Variants in TMEM266 observed in about 807,000 individuals in gnomAD.
The protein encoded by TMEM266 is transmembrane protein 266.
TMEM266 carries 33 observed loss-of-function variants against 50.5 expected under a neutral mutation model. That is an observed-to-expected ratio of 0.65 (90% confidence interval 0.50 to 0.87). The LOEUF is 0.87. Among genes scored for constraint, TMEM266 ranks in the 40% least tolerant of loss-of-function variants. The probability of loss-of-function intolerance (pLI) is 0.00; values close to 1 mark genes in which losing one functional copy is unlikely to be tolerated. For synonymous variants in TMEM266, 310 were observed against 292.3 expected, an observed-to-expected ratio of 1.06 and a Z score of -0.62; for missense variants, 655 against 695.1, an observed-to-expected ratio of 0.94 and a Z score of 0.65.
chr15:76,076,215 C>A (rs1157008814), intron 1 of TMEM266, among the ~76,000 whole-genome samples: 4 of 151,908 alleles, frequency 2.6e-5, no homozygotes, highest in Admixed American at 2.0e-4. Flanking sequence ...TGCCTTATTT[C>A]TTGATAGCAA....
intron 3 of TMEM266, 144 bp from the exon 4 acceptor site, chr15:76,156,460 T>C: frequency 1.3e-6 from 1 of 762,748 alleles, no homozygotes; most frequent in South Asian, 1.9e-5. Flanking sequence ...TGAATGAGGT[T>C]GTGTTTCGCC....
chr15:76,204,089 C>A lies in TMEM266; in HGVS notation c.1370C>A (p.Ala457Asp). ...GAGGACCCCTGCCCTTCCCAGAAGGCCTTGGACCCAGCCCCCCTCGCCCGG... is the reference window on the plus strand; with the variant it reads ...GAGGACCCCTGCCCTTCCCAGAAGGACTTGGACCCAGCCCCCCTCGCCCGG... The change falls in exon 11 of 11, where the codon GCC (alanine) becomes GAC (aspartate). Residue 457 changes from alanine to aspartate, a missense_variant. This residue lies in a region of TMEM266 where 455 missense variants were observed against 401.8 expected (regional missense o/e 1.13). Coordinates refer to ENST00000388942, the MANE Select transcript of TMEM266 (RefSeq NM_152335.3). The A allele has an allele frequency of 6.2e-7, 1 of 1,612,842 alleles. No individual in the cohort carries two copies. Among genetic ancestry groups the A allele is most frequent in the Non-Finnish European group, 8.5e-7 (1 of 1,179,620 alleles).
intron 1 of TMEM266, among the ~76,000 whole-genome samples, chr15:76,073,545 T>C (rs987149901): frequency 1.1e-4 from 16 of 152,210 alleles, no homozygotes. Flanking sequence ...ATTTCTCTAC[T>C]TCTGTACACG....
rs56853800 is a variant in TMEM266, at chr15:76,153,009, G to T, written c.228-3595G>T. Reference sequence around the variant, plus strand: ...GTCCTCTACCTGGCTCTTCCCTGAGGCTGAGGAGTGTGCTCTGGTGTCAGG... The same window carrying T: ...GTCCTCTACCTGGCTCTTCCCTGAGTCTGAGGAGTGTGCTCTGGTGTCAGG... On this transcript the variant is annotated intron_variant, in intron 3 of 10. Coordinates refer to ENST00000388942, the MANE Select transcript of TMEM266 (RefSeq NM_152335.3). The surrounding 1 kb of genome is among the most constrained non-coding windows in gnomAD (Gnocchi z 4.2). Among the ~76,000 whole-genome samples, 1 of 152,100 alleles carries T rather than the reference G, an allele frequency of 6.6e-6. No individual in the cohort carries two copies. Among genetic ancestry groups the T allele is most frequent in the East Asian group, 1.9e-4 (1 of 5,180 alleles).
At chr15:76,092,643 C>G (rs1000219031) in intron 1 of TMEM266, among the ~76,000 whole-genome samples, 1 of 151,350 alleles carries the variant, frequency 6.6e-6, no homozygotes, top group Non-Finnish European at 1.5e-5. Context: ...TGAGCTGAGA[C>G]TGTGCCACTG....
intron 1 of TMEM266, among the ~76,000 whole-genome samples, chr15:76,060,586 C>T (rs761891422): frequency 1.3e-5 from 2 of 152,164 alleles, no homozygotes; most frequent in Non-Finnish European, 2.9e-5. Context: ...GGCCAGAATC[C>T]CCTTCAGGGG....
intron 10 of TMEM266, among the ~76,000 whole-genome samples, chr15:76,203,248 A>T (rs1004655442): frequency 2.6e-5 from 4 of 152,044 alleles, no homozygotes; most frequent in African/African-American, 9.7e-5. Context: ...TGGCACACCA[A>T]GTTTCCTGAG....
intron 9 of TMEM266, among the ~76,000 whole-genome samples, chr15:76,196,942 T>C (rs1469665598): frequency 6.6e-6 from 1 of 152,224 alleles, no homozygotes; most frequent in African/African-American, 2.4e-5. Flanking sequence ...CCAAATTTAT[T>C]AGTCTTGAAG....
intron 3 of TMEM266, among the ~76,000 whole-genome samples, chr15:76,144,988 A>G (rs2037735614): frequency 6.6e-6 from 1 of 152,214 alleles, no homozygotes; most frequent in African/African-American, 2.4e-5. Flanking sequence ...CTCATGAAGG[A>G]TTGTTAATTC....
At chr15:76,201,100 G>A (rs562109944) in intron 9 of TMEM266, among the ~76,000 whole-genome samples, 62 of 152,208 alleles carry the variant, frequency 4.1e-4, no homozygotes, top group African/African-American at 1.5e-3. Flanking sequence ...ACTTCCACGG[G>A]GGAGGGAGGA....
chr15:76,068,538 G>A (rs1320540820), intron 1 of TMEM266, among the ~76,000 whole-genome samples: 1 of 152,162 alleles, frequency 6.6e-6, no homozygotes, highest in Admixed American at 6.5e-5. Context: ...CAGGAGATAG[G>A]GTCTTTAGGA....
chr15:76,089,342 G>A (rs112046054), intron 1 of TMEM266, among the ~76,000 whole-genome samples: 32,797 of 151,342 alleles, frequency 0.22, 4,037 homozygotes, highest in Non-Finnish European at 0.27. Context: ...ACAGGCGCCC[G>A]CCACCACGCC....
chr15:76,104,695 T>C (rs2037055759), intron 1 of TMEM266, among the ~76,000 whole-genome samples: 1 of 151,864 alleles, frequency 6.6e-6, no homozygotes. Flanking sequence ...CCCAGGGAAA[T>C]GAGGAGGTCA....
At chr15:76,197,058 C>T (rs770372851) in intron 9 of TMEM266, among the ~76,000 whole-genome samples, 6 of 152,234 alleles carry the variant, frequency 3.9e-5, no homozygotes, top group Non-Finnish European at 8.8e-5. Flanking sequence ...CATCCAGAGA[C>T]ACTGCCGCAG....
intron 8 of TMEM266, among the ~76,000 whole-genome samples, chr15:76,179,327 T>C (rs2038356476): frequency 2.0e-5 from 3 of 152,124 alleles, no homozygotes; most frequent in Non-Finnish European, 4.4e-5. Flanking sequence ...TGACACATGA[T>C]GGGTAGCAAC....
At chr15:76,121,589 G>A (rs1286524116) in intron 1 of TMEM266, among the ~76,000 whole-genome samples, 8 of 152,086 alleles carry the variant, frequency 5.3e-5, no homozygotes, top group Non-Finnish European at 8.8e-5. Context: ...GATAATTTTT[G>A]TATTTTTAGT....
chr15:76,116,486 C>G (rs780900753), intron 1 of TMEM266, among the ~76,000 whole-genome samples: 8 of 152,148 alleles, frequency 5.3e-5, no homozygotes, highest in East Asian at 1.9e-4. Flanking sequence ...CTGTCCCTCC[C>G]CCTCTCCTCC....
intron 1 of TMEM266, among the ~76,000 whole-genome samples, chr15:76,074,670 G>A (rs1347252884): frequency 2.0e-5 from 3 of 151,998 alleles, no homozygotes; most frequent in Admixed American, 2.0e-4. Context: ...AATTTATTGG[G>A]ACACCTTGGA....
chr15:76,064,446 T>A lies in TMEM266; in HGVS notation c.-97+4430T>A, dbSNP rs541707229. The stretch of plus-strand genomic sequence containing the variant: ...TAGTTCTTGGGCCGTAGCAAAATCA[T>A]AGGCACTTTGAGGACTGATTCATCT... On this transcript the variant is annotated intron_variant, in intron 1 of 10. Coordinates refer to ENST00000388942, the MANE Select transcript of TMEM266 (RefSeq NM_152335.3). 2.6e-5 allele frequency among the ~76,000 whole-genome samples: 4 copies of A among 152,124 alleles called. No homozygotes were observed. The South Asian group carries it at 8.3e-4, about 31-fold the overall frequency.
Sources: gnomAD v4.1 joint callset for allele counts (sites outside exome capture counted in the v4.1 genomes callset) on GRCh38, gnomAD v4.1.1 for gene constraint, gnomAD v4.1.1 regional missense constraint, Gnocchi (gnomAD v3.1) non-coding constraint, MANE v1.5 for transcripts, NCBI Gene and HGNC (gene_info 2026-07-23, HGNC 2026-07-21) for gene names.